Variants in DPYD observed in about 807,000 individuals in gnomAD.
DPYD encodes dihydropyrimidine dehydrogenase [NADP(+)].
Under a neutral mutation model 116.2 loss-of-function variants are expected in DPYD, and 109 were observed. That is an observed-to-expected ratio of 0.94 (90% CI 0.80 to 1.10). DPYD has a LOEUF of 1.10. Ranked by LOEUF, DPYD falls within the 50% of genes least tolerant of loss-of-function variation. The pLI, the probability that DPYD is intolerant of heterozygous loss-of-function variation, is 0.00. For synonymous variants in DPYD, 440 were observed against 432.0 expected (o/e 1.02, Z -0.23); for missense variants, 1,302 against 1,254.5 (o/e 1.04, Z -0.57).
chr1:97,551,957 T>C (rs1315375668), intron 11 of DPYD, among the ~76,000 whole-genome samples: 1 of 152,148 alleles, frequency 6.6e-6, no homozygotes, highest in Non-Finnish European at 1.5e-5. Context: ...AAAGATGATT[T>C]AAAGTATATG....
At chr1:97,794,540 G>A (rs565445522) in intron 3 of DPYD, among the ~76,000 whole-genome samples, 1 of 152,196 alleles carries the variant, frequency 6.6e-6, no homozygotes, top group Non-Finnish European at 1.5e-5. Context: ...TATTACTTCC[G>A]TTTTGTTTTT....
At chr1:97,081,734 T>C (rs536244668) in intron 22 of DPYD, among the ~76,000 whole-genome samples, 4 of 137,970 alleles carry the variant, frequency 2.9e-5, no homozygotes, top group East Asian at 3.9e-4. Flanking sequence ...TTTTTTTTTT[T>C]CCTGCATGGT....
chr1:97,793,499 G>GA (rs1160786978), intron 3 of DPYD, among the ~76,000 whole-genome samples: 1 of 151,924 alleles, frequency 6.6e-6, no homozygotes, highest in Non-Finnish European at 1.5e-5. Context: ...TGTTAATATA[G>GA]AAAAAAAGAT....
chr1:97,571,173 TGGAAA>T (rs1350264587), intron 11 of DPYD, among the ~76,000 whole-genome samples: 1 of 151,918 alleles, frequency 6.6e-6, no homozygotes, highest in Non-Finnish European at 1.5e-5. Flanking sequence ...TTCTGAACTT[TGGAAA>T]GTAAAAAGCT....
chr1:97,848,893 A>T (rs1670440264), intron 2 of DPYD, among the ~76,000 whole-genome samples: 1 of 152,230 alleles, frequency 6.6e-6, no homozygotes, highest in African/African-American at 2.4e-5. Flanking sequence ...GATCAATTTA[A>T]GCTTGTCTGA....
chr1:97,244,677 G>C (rs1011795574), intron 18 of DPYD, among the ~76,000 whole-genome samples: 1 of 151,868 alleles, frequency 6.6e-6, no homozygotes, highest in African/African-American at 2.4e-5. Context: ...ATATATCTAC[G>C]AATATGTATA....
intron 3 of DPYD, among the ~76,000 whole-genome samples, chr1:97,767,408 G>T (rs1161616338): frequency 6.6e-6 from 1 of 152,088 alleles, no homozygotes; most frequent in Admixed American, 6.6e-5. Flanking sequence ...AATTTAAACT[G>T]AGACAAACTG....
At chr1:97,673,287 T>A (rs563143955) in intron 8 of DPYD, among the ~76,000 whole-genome samples, 43 of 152,132 alleles carry the variant, frequency 2.8e-4, no homozygotes, top group Admixed American at 8.5e-4. Flanking sequence ...TGGAATATTA[T>A]TCACTGTTAC....
intron 3 of DPYD, among the ~76,000 whole-genome samples, chr1:97,798,651 C>T (rs974654021): frequency 2.0e-5 from 3 of 151,880 alleles, no homozygotes; most frequent in Non-Finnish European, 4.4e-5. Context: ...ACCTACCTCA[C>T]AGGATTGTTA....
intron 20 of DPYD, among the ~76,000 whole-genome samples, chr1:97,113,460 T>C (rs1366032416): frequency 6.6e-6 from 1 of 152,066 alleles, no homozygotes; most frequent in Non-Finnish European, 1.5e-5. Context: ...ATAAATTGAG[T>C]TTGGGGGGAT....
intron 14 of DPYD, among the ~76,000 whole-genome samples, chr1:97,444,558 T>G (rs752664571): frequency 1.3e-5 from 2 of 152,148 alleles, no homozygotes; most frequent in Non-Finnish European, 2.9e-5. Context: ...GTAGAATCAA[T>G]TGATGAACTT....
chr1:97,282,352 C>G (rs1318401530), intron 18 of DPYD, among the ~76,000 whole-genome samples: 5 of 140,548 alleles, frequency 3.6e-5, no homozygotes, highest in Non-Finnish European at 8.0e-5. Context: ...AATATTTTCA[C>G]TGATATTTTT....
chr1:97,465,428 G>A (rs574222432), intron 13 of DPYD, among the ~76,000 whole-genome samples: 2 of 152,236 alleles, frequency 1.3e-5, no homozygotes, highest in South Asian at 4.1e-4. Context: ...GAATGATATG[G>A]TTTGGCTGTG....
intron 13 of DPYD, among the ~76,000 whole-genome samples, chr1:97,473,726 G>C (rs1405909767): frequency 6.6e-6 from 1 of 152,170 alleles, no homozygotes; most frequent in Admixed American, 6.5e-5. Context: ...AACAGTATGT[G>C]CCAGGCACAG....
chr1:97,878,796 T>C (rs1672042395), intron 2 of DPYD, among the ~76,000 whole-genome samples: 1 of 151,998 alleles, frequency 6.6e-6, no homozygotes, highest in Admixed American at 6.6e-5. Context: ...CAAAAGAGTA[T>C]TATTATTATT....
At chr1:97,881,042 G>C (rs1327590326) in intron 2 of DPYD, among the ~76,000 whole-genome samples, 1 of 151,826 alleles carries the variant, frequency 6.6e-6, no homozygotes, top group East Asian at 1.9e-4. Flanking sequence ...CTTTCCTTCA[G>C]ATATGTTATT....
chr1:97,485,595 T>C (rs1018566204), intron 13 of DPYD, among the ~76,000 whole-genome samples: 1 of 152,116 alleles, frequency 6.6e-6, no homozygotes, highest in Middle Eastern at 3.2e-3. Context: ...ATCACTATTT[T>C]TCTCTTCAGC....
chr1:97,194,092 T>C (rs953157815), intron 19 of DPYD, among the ~76,000 whole-genome samples: 33 of 152,194 alleles, frequency 2.2e-4, no homozygotes, highest in African/African-American at 6.8e-4. Flanking sequence ...TTATCTGCAG[T>C]GACTAGGACA....
intron 3 of DPYD, among the ~76,000 whole-genome samples, chr1:97,819,930 C>T (rs1389452065): frequency 6.6e-6 from 1 of 151,796 alleles, no homozygotes. Context: ...TAATACATAC[C>T]ACATATAGAA....
Sources: gnomAD v4.1 joint callset for allele counts (sites outside exome capture counted in the v4.1 genomes callset) on GRCh38, gnomAD v4.1.1 for gene constraint, MANE v1.5 for transcripts, NCBI Gene and HGNC (gene_info 2026-07-23, HGNC 2026-07-21) for gene names.